Variants in RANBP17 observed in about 807,000 individuals in gnomAD.
The protein encoded by RANBP17 is ran-binding protein 17.
In RANBP17, 158 loss-of-function variants were observed where a neutral mutation model predicts 141.2. That is an observed-to-expected ratio of 1.12 (90% CI 0.98 to 1.28). The LOEUF is 1.28. RANBP17 is among the 50% of genes most tolerant of loss of function. The probability of loss-of-function intolerance (pLI) is 0.00; values close to 1 mark genes in which losing one functional copy is unlikely to be tolerated. For missense variants in RANBP17, 1,438 were observed against 1,290.7 expected, an observed-to-expected ratio of 1.11 and a Z score of -1.75; for synonymous variants, 430 against 450.0, an observed-to-expected ratio of 0.96 and a Z score of 0.56.
At chr5:171,061,955 T>A (rs1299882488) in intron 14 of RANBP17, among the ~76,000 whole-genome samples, 1 of 152,072 alleles carries the variant, frequency 6.6e-6, no homozygotes, top group African/African-American at 2.4e-5. Flanking sequence ...GTTTAACGTC[T>A]GTTTTATCAG....
intron 1 of RANBP17, among the ~76,000 whole-genome samples, chr5:170,875,766 C>T (rs1768126839): frequency 6.6e-6 from 1 of 152,150 alleles, no homozygotes; most frequent in African/African-American, 2.4e-5. Context: ...CCATCTCATC[C>T]TCTGTCCAAT....
chr5:171,260,660 A>G (rs1280788889), intron 24 of RANBP17, among the ~76,000 whole-genome samples: 1 of 152,148 alleles, frequency 6.6e-6, no homozygotes, highest in Non-Finnish European at 1.5e-5. Flanking sequence ...TAAGTATCAT[A>G]TATTGATCAG....
chr5:170,971,746 C>G (rs1777006602), intron 14 of RANBP17, among the ~76,000 whole-genome samples: 1 of 152,168 alleles, frequency 6.6e-6, no homozygotes, highest in Admixed American at 6.5e-5. Context: ...CTCCTTTCTT[C>G]TGCCCCTTTC....
chr5:171,217,343 TTCA>T (rs1763281309), intron 21 of RANBP17, among the ~76,000 whole-genome samples: 2 of 152,214 alleles, frequency 1.3e-5, no homozygotes, highest in South Asian at 4.1e-4. Context: ...CACGTCGATG[TTCA>T]TCAGGGATAT....
chr5:170,988,658 C>A (rs906915482), intron 14 of RANBP17, among the ~76,000 whole-genome samples: 2 of 151,338 alleles, frequency 1.3e-5, no homozygotes, highest in Non-Finnish European at 3.0e-5. Context: ...GCATATTTTC[C>A]CTGATAAAAG....
chr5:171,252,492 T>A, intron 24 of RANBP17: 2 of 1,448,354 alleles, frequency 1.4e-6, no homozygotes, highest in Non-Finnish European at 1.9e-6. Flanking sequence ...CCCTATGCAG[T>A]GAGTACAAGT....
chr5:170,986,222 T>C (rs958403640), intron 14 of RANBP17, among the ~76,000 whole-genome samples: 1 of 152,070 alleles, frequency 6.6e-6, no homozygotes, highest in Admixed American at 6.6e-5. Flanking sequence ...AATTCATAAA[T>C]AAGTTTGTAA....
At chr5:170,982,963 A>G (rs1282804252) in intron 14 of RANBP17, 3 of 338,054 alleles carry the variant, frequency 8.9e-6, no homozygotes, top group South Asian at 8.5e-5. Context: ...ATGAATTTCA[A>G]CTTAAAATTG....
At chr5:171,226,954 G>A (rs543875850) in intron 22 of RANBP17, among the ~76,000 whole-genome samples, 40 of 152,256 alleles carry the variant, frequency 2.6e-4, no homozygotes, top group African/African-American at 8.7e-4. Context: ...TGATTTCTTT[G>A]TGTCTCTGAG....
intron 24 of RANBP17, among the ~76,000 whole-genome samples, chr5:171,263,653 C>T (rs1766482505): frequency 6.6e-6 from 1 of 152,170 alleles, no homozygotes; most frequent in African/African-American, 2.4e-5. Flanking sequence ...CTTACATCTC[C>T]TCTACACATT....
At chr5:171,006,804 A>G (rs1263851933) in intron 14 of RANBP17, among the ~76,000 whole-genome samples, 1 of 151,664 alleles carries the variant, frequency 6.6e-6, no homozygotes, top group Non-Finnish European at 1.5e-5. Context: ...GTGGTAAAGC[A>G]TCTAAGGGTT....
intron 11 of RANBP17, among the ~76,000 whole-genome samples, chr5:170,923,067 C>T: frequency 6.6e-6 from 1 of 152,016 alleles, no homozygotes; most frequent in East Asian, 1.9e-4. Context: ...TGTTGTTATA[C>T]CTATGGAAAC....
Position 171,149,217 on chromosome 5 carries a change from G to T in RANBP17, c.1711-20913G>T, listed in dbSNP as rs186447593. 2.0e-3 allele frequency among the ~76,000 whole-genome samples: 306 copies of T among 152,192 alleles called. 2 individuals are homozygous for T. Among genetic ancestry groups the T allele is most frequent in the Non-Finnish European group, 2.5e-3 (172 of 68,014 alleles). On this transcript the variant is annotated intron_variant, in intron 14 of 27. Coordinates refer to ENST00000523189, the MANE Select transcript of RANBP17 (RefSeq NM_022897.5). Reference sequence around the variant, plus strand: ...CTGTTAGCATCCCTAACCTCTTTTGGAGATACCATGGATCTTTTTTACTGT... The same window carrying T: ...CTGTTAGCATCCCTAACCTCTTTTGTAGATACCATGGATCTTTTTTACTGT...
intron 24 of RANBP17, among the ~76,000 whole-genome samples, chr5:171,258,125 AC>A (rs1766038073): frequency 1.0e-5 from 1 of 97,438 alleles, no homozygotes; most frequent in Admixed American, 1.0e-4. Flanking sequence ...AAATACACAC[AC>A]ACACACACAC....
chr5:171,277,637 G>GTATGTATATATATATATA (rs1554127913), intron 25 of RANBP17, among the ~76,000 whole-genome samples: 1 of 56,920 alleles, frequency 1.8e-5, no homozygotes, highest in East Asian at 8.8e-4. Context: ...ATATATGTAT[G>GTATGTATATATATATATA]TATATATATA....
intron 14 of RANBP17, among the ~76,000 whole-genome samples, chr5:171,123,571 C>T (rs1025836549): frequency 6.6e-6 from 1 of 152,250 alleles, no homozygotes; most frequent in Non-Finnish European, 1.5e-5. Context: ...CCTGGAGGCC[C>T]AAGGACTGGC....
chr5:170,929,439 T>C (rs1035679725), intron 12 of RANBP17, among the ~76,000 whole-genome samples: 9 of 152,142 alleles, frequency 5.9e-5, no homozygotes, highest in Non-Finnish European at 1.3e-4. Context: ...TAACGTATTA[T>C]TTTGGGGTTT....
intron 13 of RANBP17, among the ~76,000 whole-genome samples, chr5:170,963,349 A>G (rs1478130348): frequency 1.3e-5 from 2 of 152,222 alleles, no homozygotes; most frequent in Non-Finnish European, 2.9e-5. Flanking sequence ...ATAGAGGTAA[A>G]TGTAGAAAAC....
intron 13 of RANBP17, among the ~76,000 whole-genome samples, chr5:170,958,211 G>T (rs551005248): frequency 9.2e-5 from 14 of 152,274 alleles, no homozygotes; most frequent in Admixed American, 3.3e-4. Context: ...GTCTACTCCT[G>T]GGGTATTTCA....
Sources: gnomAD v4.1 joint callset for allele counts (sites outside exome capture counted in the v4.1 genomes callset) on GRCh38, gnomAD v4.1.1 for gene constraint, MANE v1.5 for transcripts, NCBI Gene and HGNC (gene_info 2026-07-23, HGNC 2026-07-21) for gene names.